The following DOCK4 variants were observed in gnomAD, a reference collection of about 807,000 sequenced individuals.
DOCK4 encodes dedicator of cytokinesis 4.
A neutral mutation model predicts 268.1 loss-of-function variants in DOCK4; 97 were observed. The observed-to-expected ratio is 0.36, with a 90% CI of 0.31 to 0.43. The LOEUF (loss-of-function observed/expected upper bound fraction) is 0.43. DOCK4 is among the 20% of genes least tolerant of loss of function. The pLI, the probability that DOCK4 is intolerant of heterozygous loss-of-function variation, is 1.00. For synonymous variants in DOCK4, 954 were observed against 887.2 expected (o/e 1.08, Z -1.34); for missense variants, 2,145 against 2,455.7 (o/e 0.87, Z 2.67).
Position 111,747,365 on chromosome 7 carries a change from A to G in DOCK4, c.4495T>C (p.Cys1499Arg), listed in dbSNP as rs1371226635. 2.5e-6 allele frequency: 4 copies of G among 1,613,436 alleles called. No individual in the cohort carries two copies. The highest frequency in any genetic ancestry group is 3.4e-6 in the Non-Finnish European group (4 of 1,179,692). The change falls in exon 43 of 53, where the codon TGT (cysteine) becomes CGT (arginine). Residue 1499 changes from cysteine to arginine, a missense_variant. Physicochemically the swap from Cys to Arg is radical, Grantham distance 180. This residue lies in a region of DOCK4 where 1,598 missense variants were observed against 1,986.7 expected (regional missense o/e 0.80). Transcript: ENST00000428084. Reference sequence around the variant, plus strand: ...ATATTCTGCATCTGTCTTGTCTGACACTGACTAATCAGAGTCTTCAGCTGC... The same window carrying G: ...ATATTCTGCATCTGTCTTGTCTGACGCTGACTAATCAGAGTCTTCAGCTGC... ...NQQLKTLISQ[C>R]QTRQMQNINP...
At chr7:111,911,528 C>T (rs1251452242) in intron 13 of DOCK4, among the ~76,000 whole-genome samples, 4 of 152,116 alleles carry the variant, frequency 2.6e-5, no homozygotes, top group South Asian at 2.1e-4. Flanking sequence ...TTTGTACTCC[C>T]CTGAACTACA....
At chr7:111,865,125 T>C (rs1805864791) in intron 22 of DOCK4, among the ~76,000 whole-genome samples, 1 of 152,238 alleles carries the variant, frequency 6.6e-6, no homozygotes, top group South Asian at 2.1e-4. Context: ...CTATTGGGAA[T>C]TGTCTAGCAG....
chr7:111,986,973 T>A (rs1799103116), intron 6 of DOCK4, among the ~76,000 whole-genome samples: 1 of 152,222 alleles, frequency 6.6e-6, no homozygotes, highest in Non-Finnish European at 1.5e-5. Context: ...CAAGAGATTA[T>A]CTTAATTTGC....
intron 1 of DOCK4, among the ~76,000 whole-genome samples, chr7:112,077,212 G>A (rs1808148625): frequency 1.3e-5 from 2 of 152,026 alleles, no homozygotes; most frequent in Non-Finnish European, 2.9e-5. Flanking sequence ...ACCCCAGCAT[G>A]GACAATTACG....
At chr7:111,736,821 A>G in intron 50 of DOCK4, 96 bp downstream of exon 50, 1 of 1,059,700 alleles carries the variant, frequency 9.4e-7, no homozygotes, top group Non-Finnish European at 1.4e-6. Flanking sequence ...AAAGAGCTAG[A>G]GCACTGCTTT....
intron 7 of DOCK4, among the ~76,000 whole-genome samples, chr7:111,980,580 T>C (rs1248851558): frequency 1.3e-5 from 2 of 152,354 alleles, no homozygotes; most frequent in Admixed American, 6.5e-5. Context: ...CCAACCTCAA[T>C]GCTATTGACA....
intron 1 of DOCK4, among the ~76,000 whole-genome samples, chr7:112,071,585 A>G (rs976587992): frequency 8.5e-5 from 13 of 152,240 alleles, no homozygotes; most frequent in African/African-American, 2.9e-4. Flanking sequence ...GAATGATTCT[A>G]TTCCAATAGG....
chr7:111,747,185 A>T, intron 43 of DOCK4, 82 bp downstream of exon 43: 1 of 1,371,834 alleles, frequency 7.3e-7, no homozygotes, highest in Non-Finnish European at 1.0e-6. Flanking sequence ...TGATATGGGT[A>T]CATAGTCTGA....
In DOCK4 at chr7:111,728,138, T is replaced by G; in HGVS notation, c.*136A>C. ...CTTTTAATATTGTGCAACATGATAT[T>G]TAATAAGCAAGTTTTAATTCCATTC... On this transcript the variant is annotated 3_prime_UTR_variant, in exon 53 of 53. Transcript: ENST00000428084. 1.6e-6 allele frequency: 1 copy of G among 629,730 alleles called. No individual in the cohort carries two copies. The highest frequency in any genetic ancestry group is 6.9e-5 in the South Asian group (1 of 14,480). 39.0% of individuals were successfully genotyped at this position (629,730 alleles called of 1,614,324 possible).
Position 111,769,751 on chromosome 7 carries a change from G to A in DOCK4, c.3680-74C>T, listed in dbSNP as rs1291160570. Reference sequence around the variant, plus strand: ...ATTCCCTCAAATGTGGCCAGTTTCCGACAAACTGGGGAAAAAAAATACTAT... The same window carrying A: ...ATTCCCTCAAATGTGGCCAGTTTCCAACAAACTGGGGAAAAAAAATACTAT... On this transcript the variant is annotated intron_variant, in intron 36 of 52. Transcript: ENST00000428084. 1.3e-5 allele frequency: 20 copies of A among 1,504,516 alleles called. No homozygotes were observed. In the East Asian group the frequency reaches 1.4e-4, roughly 11 times the overall value. 93.2% of individuals were successfully genotyped at this position (1,504,516 alleles called of 1,614,324 possible).
At chr7:112,006,830 C>T (rs1175402857) in intron 1 of DOCK4, among the ~76,000 whole-genome samples, 2 of 152,204 alleles carry the variant, frequency 1.3e-5, no homozygotes, top group Non-Finnish European at 2.9e-5. Context: ...GCAGAAGAGA[C>T]AGCCTGCTCT....
chr7:111,862,433 T>A (rs985457462), intron 23 of DOCK4, among the ~76,000 whole-genome samples: 2 of 150,560 alleles, frequency 1.3e-5, no homozygotes, highest in African/African-American at 4.9e-5. Flanking sequence ...TATATAAAAC[T>A]ATTTCAAAAA....
At chr7:111,874,011 T>C (rs990159746) in intron 17 of DOCK4, among the ~76,000 whole-genome samples, 1 of 152,214 alleles carries the variant, frequency 6.6e-6, no homozygotes, top group Non-Finnish European at 1.5e-5. Flanking sequence ...ATTGGTTATA[T>C]TTGGCATATC....
At chr7:111,781,944 ATGAC>A (rs1375482718) in intron 35 of DOCK4, among the ~76,000 whole-genome samples, 4 of 152,216 alleles carry the variant, frequency 2.6e-5, no homozygotes, top group African/African-American at 9.7e-5. Flanking sequence ...AAGGATAAGA[ATGAC>A]TGTGCAAGAA....
chr7:112,125,963 C>T (rs894079992), intron 1 of DOCK4, among the ~76,000 whole-genome samples: 13 of 152,058 alleles, frequency 8.5e-5, no homozygotes, highest in African/African-American at 3.1e-4. Context: ...CATGCACCAC[C>T]ATGCATGACT....
rs1291839634 is a variant in DOCK4, at chr7:111,965,032, C to T, written c.701+12100G>A. Among the ~76,000 whole-genome samples, 2 of 57,906 alleles carry T rather than the reference C, an allele frequency of 3.5e-5. 1 individual carries two copies. Among genetic ancestry groups the T allele is most frequent in the Admixed American group, 3.7e-4 (2 of 5,394 alleles). 38.0% of individuals were successfully genotyped at this position (57,906 alleles called of 152,430 possible). On this transcript the variant is annotated intron_variant, in intron 8 of 52. Coordinates refer to ENST00000428084, the MANE Select transcript of DOCK4 (RefSeq NM_001363540.2). ...AGAGATTTTGTCACCACCAGGCCTG[C>T]CCTAAAAGAGCTCCTGAAGGAAGCG...
intron 7 of DOCK4, among the ~76,000 whole-genome samples, chr7:111,981,875 G>A (rs1262414580): frequency 6.6e-6 from 1 of 152,022 alleles, no homozygotes; most frequent in Non-Finnish European, 1.5e-5. Context: ...CCAATAAACT[G>A]GAATGCTGAA....
intron 17 of DOCK4, among the ~76,000 whole-genome samples, chr7:111,876,654 A>T (rs1806907419): frequency 6.6e-6 from 1 of 152,262 alleles, no homozygotes; most frequent in Middle Eastern, 3.4e-3. Context: ...AGCAATATGC[A>T]TCTAATTAAA....
chr7:111,743,569 A>T lies in DOCK4; in HGVS notation c.4678-1437T>A, dbSNP rs1180449608. On this transcript the variant is annotated intron_variant, in intron 44 of 52. Coordinates refer to ENST00000428084, the MANE Select transcript of DOCK4 (RefSeq NM_001363540.2). ...GGTGGATCTAAACGCAGAGGCCCCC[A>T]GTCTTCTCCATTTTAAACACTAGCG... Among the ~76,000 whole-genome samples, 3 of 152,188 alleles carry T rather than the reference A, an allele frequency of 2.0e-5. No individual in the cohort carries two copies. The East Asian group carries it at 5.8e-4, about 29-fold the overall frequency.
Sources: allele counts gnomAD v4.1 joint callset (sites outside exome capture counted in the v4.1 genomes callset), GRCh38; gene constraint gnomAD v4.1.1; regional missense constraint gnomAD v4.1.1; transcripts MANE v1.5; gene names NCBI Gene and HGNC (gene_info 2026-07-23, HGNC 2026-07-21).